The following ELK3 variants were observed in gnomAD, a reference collection of about 807,000 sequenced individuals.
ELK3 encodes the protein ETS domain-containing protein Elk-3.
In ELK3, 10 loss-of-function variants were observed where a neutral mutation model predicts 28.9. The ratio of observed to expected loss-of-function variants is 0.35; its 90% confidence interval spans 0.21 to 0.59. The LOEUF (loss-of-function observed/expected upper bound fraction) is 0.59, where lower values mean the gene tolerates loss of function less well. Ranked by LOEUF, ELK3 falls within the 20% of genes least tolerant of loss-of-function variation. The probability of loss-of-function intolerance (pLI) is 0.82; values close to 1 mark genes in which losing one functional copy is unlikely to be tolerated. For synonymous variants in ELK3, 272 were observed against 243.5 expected (o/e 1.12, Z -1.09); for missense variants, 463 against 517.3 (o/e 0.90, Z 1.02).
intron 3 of ELK3, among the ~76,000 whole-genome samples, chr12:96,259,009 CG>C (rs1951972629): frequency 6.6e-6 from 1 of 152,102 alleles, no homozygotes. Flanking sequence ...AACGTGTGTT[CG>C]TAACCCAAGT....
intron 2 of ELK3, among the ~76,000 whole-genome samples, chr12:96,237,464 C>T (rs2137026288): frequency 6.6e-6 from 1 of 152,356 alleles, no homozygotes; most frequent in East Asian, 1.9e-4. Flanking sequence ...TGACTGCTCA[C>T]TGTCCCCTCT....
chr12:96,201,787 T>G lies in ELK3; in HGVS notation c.-3+7082T>G, dbSNP rs797001506. Among the ~76,000 whole-genome samples the G allele has an allele frequency of 1.8e-4, 27 of 152,300 alleles. 1 individual carries two copies. The highest frequency in any genetic ancestry group is 5.8e-4 in the African/African-American group (24 of 41,560). On this transcript the variant is annotated intron_variant, in intron 1 of 4. Transcript: ENST00000228741. Reference sequence around the variant, plus strand: ...CAGGAATTTAAACAAACAGCTATTTTGTGGTGGAAAAGGGGGATCTCCATA... The same window carrying G: ...CAGGAATTTAAACAAACAGCTATTTGGTGGTGGAAAAGGGGGATCTCCATA...
chr12:96,232,079 C>T lies in ELK3; in HGVS notation c.207+8306C>T, dbSNP rs182775623. ...TCTTAAGGAATGAGAATGAGTTTAC[C>T]CGGCTGAAAAAAGTTAGAAGGGATA... is the stretch of plus-strand genomic sequence containing the variant. On this transcript the variant is annotated intron_variant, in intron 2 of 4. Transcript: ENST00000228741. 2.5e-3 allele frequency among the ~76,000 whole-genome samples: 383 copies of T among 152,116 alleles called. 1 individual carries two copies. The highest frequency in any genetic ancestry group is 6.0e-3 in the Admixed American group (92 of 15,282).
intron 3 of ELK3, among the ~76,000 whole-genome samples, chr12:96,259,040 AAC>A (rs1289063038): frequency 6.6e-6 from 1 of 152,214 alleles, no homozygotes; most frequent in Non-Finnish European, 1.5e-5. Flanking sequence ...CCACTGTAGA[AAC>A]ACAGGAAAAT....
At chr12:96,200,225 G>A (rs1360102025) in intron 1 of ELK3, among the ~76,000 whole-genome samples, 2 of 151,976 alleles carry the variant, frequency 1.3e-5, no homozygotes, top group East Asian at 3.9e-4. Context: ...CTAGTTAATT[G>A]AAACTATATA....
At chr12:96,225,768 T>G (rs1951694775) in intron 2 of ELK3, among the ~76,000 whole-genome samples, 1 of 152,156 alleles carries the variant, frequency 6.6e-6, no homozygotes, top group African/African-American at 2.4e-5. Flanking sequence ...CCTTTGCCTT[T>G]GAGTGTCTTG....
chr12:96,230,536 C>G (rs1448666680), intron 2 of ELK3, among the ~76,000 whole-genome samples: 1 of 152,168 alleles, frequency 6.6e-6, no homozygotes, highest in Non-Finnish European at 1.5e-5. Flanking sequence ...GACTCCGTGA[C>G]AGGTGTGACA....
chr12:96,249,111 A>G (rs894802010), intron 3 of ELK3, among the ~76,000 whole-genome samples: 4 of 152,224 alleles, frequency 2.6e-5, no homozygotes, highest in African/African-American at 9.6e-5. Context: ...CCCAGCTGAG[A>G]TAAATGAGGC....
chr12:96,218,633 A>G (rs997760303), intron 1 of ELK3, among the ~76,000 whole-genome samples: 1 of 149,520 alleles, frequency 6.7e-6, no homozygotes, highest in Non-Finnish European at 1.5e-5. Context: ...GGGTCTAGGC[A>G]GGGGAAAGAT....
chr12:96,254,754 A>G (rs1458552462), intron 3 of ELK3, among the ~76,000 whole-genome samples: 1 of 152,068 alleles, frequency 6.6e-6, no homozygotes, highest in East Asian at 1.9e-4. Flanking sequence ...AAGGAATCCT[A>G]AGGAGGAAGG....
intron 2 of ELK3, among the ~76,000 whole-genome samples, chr12:96,245,502 C>T (rs980916082): frequency 9.2e-5 from 14 of 151,996 alleles, no homozygotes; most frequent in African/African-American, 3.4e-4. Flanking sequence ...ATGTACAACC[C>T]CTGGTACAGA....
At chr12:96,250,268 G>A (rs1443060038) in intron 3 of ELK3, among the ~76,000 whole-genome samples, 2 of 152,216 alleles carry the variant, frequency 1.3e-5, no homozygotes, top group Admixed American at 6.5e-5. Context: ...ATGGCCATGG[G>A]TGGCCAACAG....
At position 96,263,007 on chromosome 12, in the gene ELK3, TC is replaced by T. The variant is rs1468951103; in HGVS notation, c.1125+3155del. 3.3e-5 allele frequency among the ~76,000 whole-genome samples: 5 copies of T among 152,274 alleles called. No individual in the cohort carries two copies. The East Asian group carries it at 9.6e-4, about 29-fold the overall frequency. ...CTTTCAAAATAACAACAAACCTCTT[TC>T]ATGTACGCTATAGATGTAATGAAGG... On this transcript the variant is annotated intron_variant, in intron 4 of 4. Coordinates refer to ENST00000228741, the MANE Select transcript of ELK3 (RefSeq NM_005230.4).
At chr12:96,245,934 G>T (rs1015295676) in intron 2 of ELK3, among the ~76,000 whole-genome samples, 1 of 152,144 alleles carries the variant, frequency 6.6e-6, no homozygotes, top group African/African-American at 2.4e-5. Flanking sequence ...AGAAGTAGAC[G>T]CTAGCAACTA....
chr12:96,230,904 C>T (rs1406844837), intron 2 of ELK3, among the ~76,000 whole-genome samples: 1 of 152,194 alleles, frequency 6.6e-6, no homozygotes, highest in African/African-American at 2.4e-5. Context: ...TTTGTAGAGG[C>T]TGCGGGGCAA....
At chr12:96,233,883 G>T (rs2137023238) in intron 2 of ELK3, among the ~76,000 whole-genome samples, 1 of 152,320 alleles carries the variant, frequency 6.6e-6, no homozygotes, top group African/African-American at 2.4e-5. Context: ...AGTGTTGAGG[G>T]CCTGGTGTGT....
chr12:96,206,894 T>C (rs548023172), intron 1 of ELK3, among the ~76,000 whole-genome samples: 2 of 152,204 alleles, frequency 1.3e-5, no homozygotes, highest in Non-Finnish European at 2.9e-5. Context: ...CATGAATGAA[T>C]GAACGGTTGG....
intron 2 of ELK3, among the ~76,000 whole-genome samples, chr12:96,226,139 GA>G (rs1296853152): frequency 2.8e-5 from 4 of 144,838 alleles, no homozygotes; most frequent in Non-Finnish European, 4.6e-5. Context: ...CTCTTAAAAA[GA>G]AAAAAAAAAG....
At chr12:96,223,995 T>A in intron 2 of ELK3, 1 of 546,066 alleles carries the variant, frequency 1.8e-6, no homozygotes, top group Non-Finnish European at 3.2e-6. Context: ...TTCTTCTGCA[T>A]TTTCGTCTGA....
Sources: gnomAD v4.1 joint callset for allele counts (sites outside exome capture counted in the v4.1 genomes callset) on GRCh38, gnomAD v4.1.1 for gene constraint, MANE v1.5 for transcripts, NCBI Gene and HGNC (gene_info 2026-07-23, HGNC 2026-07-21) for gene names.